Variants in EYS observed in about 807,000 individuals in gnomAD.
EYS encodes EGF-like photoreceptor maintenance factor, also known as protein eyes shut homolog.
Under a neutral mutation model 282.1 loss-of-function variants are expected in EYS, and 250 were observed. The ratio of observed to expected loss-of-function variants is 0.89; its 90% CI spans 0.80 to 0.98. The LOEUF (loss-of-function observed/expected upper bound fraction) is 0.98, where lower values mean the gene tolerates loss of function less well. Among genes scored for constraint, EYS ranks in the 50% least tolerant of loss-of-function variants. The pLI is 0.00. For missense variants in EYS, 4,016 were observed against 3,709.0 expected (o/e 1.08, Z -2.15); for synonymous variants, 1,355 against 1,282.9 (o/e 1.06, Z -1.20).
intron 29 of EYS, among the ~76,000 whole-genome samples, chr6:64,367,509 A>G (rs1233743844): frequency 6.6e-6 from 1 of 151,970 alleles, no homozygotes; most frequent in African/African-American, 2.4e-5. Flanking sequence ...GAGAGGGAGG[A>G]TGGAACACAG....
chr6:65,637,508 G>A (rs1336292759), intron 2 of EYS, among the ~76,000 whole-genome samples: 1 of 152,138 alleles, frequency 6.6e-6, no homozygotes, highest in Non-Finnish European at 1.5e-5. Flanking sequence ...TAGTTGATGA[G>A]GCAGAAGCCC....
At chr6:64,497,068 T>C (rs990718047) in intron 26 of EYS, among the ~76,000 whole-genome samples, 1 of 152,122 alleles carries the variant, frequency 6.6e-6, no homozygotes, top group Non-Finnish European at 1.5e-5. Flanking sequence ...TAATTAAATA[T>C]ATATTGAAGA....
chr6:64,454,881 C>G (rs1775504209), intron 26 of EYS, among the ~76,000 whole-genome samples: 1 of 152,138 alleles, frequency 6.6e-6, no homozygotes, highest in African/African-American at 2.4e-5. Context: ...ACTTCTATGA[C>G]ATTTTTAATG....
At chr6:65,371,741 C>CTCTCTCTCTCTGTG (rs1335075948) in intron 8 of EYS, among the ~76,000 whole-genome samples, 12 of 70,240 alleles carry the variant, frequency 1.7e-4, no homozygotes, top group African/African-American at 7.2e-4. Flanking sequence ...CTCTCTCTCT[C>CTCTCTCTCTCTGTG]TGTGTGTGTG....
chr6:64,890,400 G>A (rs1361998039), intron 18 of EYS, among the ~76,000 whole-genome samples: 4 of 152,000 alleles, frequency 2.6e-5, no homozygotes, highest in East Asian at 1.9e-4. Flanking sequence ...TGGTTTTTGC[G>A]GCTTGTGAGG....
At chr6:64,428,154 C>G (rs1463289867) in intron 28 of EYS, among the ~76,000 whole-genome samples, 1 of 152,096 alleles carries the variant, frequency 6.6e-6, no homozygotes, top group Non-Finnish European at 1.5e-5. Flanking sequence ...GCAAGTTTCT[C>G]TTAATAAGAT....
At chr6:64,011,850 G>A (rs192394334) in intron 33 of EYS, among the ~76,000 whole-genome samples, 444 of 152,266 alleles carry the variant, frequency 2.9e-3, no homozygotes, top group Non-Finnish European at 4.7e-3. Context: ...CTGCAAAATT[G>A]ATGATGATAC....
At chr6:65,478,491 T>C (rs56063746) in intron 5 of EYS, among the ~76,000 whole-genome samples, 3,552 of 152,236 alleles carry the variant, frequency 0.023, 101 homozygotes, top group African/African-American at 0.062. Context: ...TTGGTTCATT[T>C]AGTCTTAAGA....
intron 37 of EYS, among the ~76,000 whole-genome samples, chr6:63,798,987 G>GTGTATATA (rs1247104267): frequency 5.8e-5 from 5 of 85,790 alleles, no homozygotes; most frequent in Non-Finnish European, 1.0e-4. Context: ...GTATATGTGT[G>GTGTATATA]TATATATATA....
rs531267045 is a variant in EYS at position 65,633,248 on chromosome 6, T to C, written c.-333+6530A>G. Among the ~76,000 whole-genome samples, 65 of 152,292 alleles carry C rather than the reference T, an allele frequency of 4.3e-4. No individual in the cohort carries two copies. In the Middle Eastern group the frequency reaches 0.01, roughly 24 times the overall value. On this transcript the variant is annotated intron_variant, in intron 2 of 42. Transcript: ENST00000503581. ...GAGTTCACTTTGCTCTCACCACTTT[T>C]CTAAGCAGGGTTAGGCTACAATGGT...
intron 30 of EYS, among the ~76,000 whole-genome samples, chr6:64,283,479 G>A (rs1022690952): frequency 6.6e-6 from 1 of 151,988 alleles, no homozygotes; most frequent in Non-Finnish European, 1.5e-5. Flanking sequence ...GAACACATAT[G>A]GGGTACTCTG....
At chr6:64,197,462 A>G (rs191957334) in intron 31 of EYS, among the ~76,000 whole-genome samples, 1 of 152,296 alleles carries the variant, frequency 6.6e-6, no homozygotes, top group Admixed American at 6.5e-5. Context: ...AAATTTTATC[A>G]GGGTGAAAGG....
intron 28 of EYS, among the ~76,000 whole-genome samples, chr6:64,389,358 T>G (rs1387669510): frequency 6.6e-6 from 1 of 152,136 alleles, no homozygotes; most frequent in Non-Finnish European, 1.5e-5. Context: ...GAGATCAGAG[T>G]AATAATTTCC....
chr6:64,055,086 T>A (rs1326368626), intron 33 of EYS, among the ~76,000 whole-genome samples: 1 of 152,170 alleles, frequency 6.6e-6, no homozygotes, highest in East Asian at 1.9e-4. Context: ...GCTTGGCCTC[T>A]TACAGCTCCA....
At chr6:64,344,395 G>T (rs1183441129) in intron 29 of EYS, among the ~76,000 whole-genome samples, 12 of 151,998 alleles carry the variant, frequency 7.9e-5, no homozygotes, top group Non-Finnish European at 1.6e-4. Context: ...ATGCAAGGCT[G>T]GTTCAACATA....
intron 29 of EYS, among the ~76,000 whole-genome samples, chr6:64,312,523 A>G (rs1172376054): frequency 6.6e-6 from 1 of 152,184 alleles, no homozygotes; most frequent in Non-Finnish European, 1.5e-5. Flanking sequence ...ACATCGTTTG[A>G]GCTCTGTTAA....
intron 15 of EYS, among the ~76,000 whole-genome samples, chr6:64,921,183 T>A (rs931147214): frequency 1.1e-4 from 16 of 152,190 alleles, no homozygotes; most frequent in Non-Finnish European, 1.9e-4. Flanking sequence ...TCAGACTATA[T>A]GCATATAACA....
chr6:64,121,081 A>C (rs1159703121), intron 31 of EYS, among the ~76,000 whole-genome samples: 7 of 151,986 alleles, frequency 4.6e-5, no homozygotes, highest in African/African-American at 1.7e-4. Flanking sequence ...CCCCTCCCCC[A>C]TAGACAATTT....
chr6:64,582,199 G>A (rs1483036101), intron 26 of EYS, among the ~76,000 whole-genome samples: 1 of 152,136 alleles, frequency 6.6e-6, no homozygotes, highest in East Asian at 1.9e-4. Flanking sequence ...CTGGGCCATG[G>A]ATTGGTACCT....
Sources: gnomAD v4.1 joint callset for allele counts (sites outside exome capture counted in the v4.1 genomes callset) on GRCh38, gnomAD v4.1.1 for gene constraint, MANE v1.5 for transcripts, NCBI Gene and HGNC (gene_info 2026-07-23, HGNC 2026-07-21) for gene names.